ANK3: variants seen among roughly 807,000 people sequenced by gnomAD.
The protein encoded by ANK3 is ankyrin-3.
A neutral mutation model predicts 370.9 loss-of-function variants in ANK3; 57 were observed. The observed-to-expected ratio is 0.15, with a 90% CI of 0.12 to 0.19. ANK3 has a LOEUF of 0.19. Ranked by LOEUF, ANK3 falls within the 10% of genes least tolerant of loss-of-function variation. The pLI is 1.00. For synonymous variants in ANK3, 1,929 were observed against 1,946.3 expected (o/e 0.99, Z 0.23); for missense variants, 4,439 against 5,302.1 (o/e 0.84, Z 5.06).
chr10:60,582,319 A>G (rs374407287), intron 2 of ANK3, among the ~76,000 whole-genome samples: 1 of 152,144 alleles, frequency 6.6e-6, no homozygotes, highest in South Asian at 2.1e-4. Flanking sequence ...CCACAAAGTG[A>G]CCTTGAGGCA....
In ANK3 at chr10:60,557,441, A is replaced by G. The variant is rs1335535606; in HGVS notation, c.96+57745T>C. Among the ~76,000 whole-genome samples the G allele has an allele frequency of 2.0e-5, 3 of 152,168 alleles. No individual in the cohort carries two copies. In the East Asian group the frequency reaches 5.8e-4, roughly 29 times the overall value. ...GAACATCAAGAATGGGAAAATACAT[A>G]GAGAAAGAAAACAGATTAGTAGTTG... is the stretch of plus-strand genomic sequence containing the variant. On this transcript the variant is annotated intron_variant, in intron 2 of 43. Coordinates refer to the ANK3 transcript ENST00000373827.
rs533404665 is a variant in ANK3, at chr10:60,664,605, GCA to G, written c.58-49383_58-49382del. Among the ~76,000 whole-genome samples, 27 of 152,276 alleles carry G rather than the reference GCA, an allele frequency of 1.8e-4. No individual in the cohort carries two copies. The East Asian group carries it at 4.3e-3, about 24-fold the overall frequency. On this transcript the variant is annotated intron_variant, in intron 1 of 43. Transcript: ENST00000373827. ...AAACCAATGCAGGCCAAAATGGTTA[GCA>G]GAAGGCTCATGAGTTAAGACAGAAA...
At chr10:60,191,481 T>C (rs746763952) in intron 16 of ANK3, among the ~76,000 whole-genome samples, 9 of 152,054 alleles carry the variant, frequency 5.9e-5, no homozygotes, top group Non-Finnish European at 1.2e-4. Context: ...GAAAAAATGA[T>C]CGTCATCACT....
chr10:60,633,560 A>G (rs2078513019), intron 1 of ANK3, among the ~76,000 whole-genome samples: 1 of 152,184 alleles, frequency 6.6e-6, no homozygotes, highest in Non-Finnish European at 1.5e-5. Context: ...ATCTAAACAA[A>G]TGTATAGATT....
chr10:60,172,345 G>T lies in ANK3; in HGVS notation c.2441C>A (p.Thr814Asn). 1 of 1,613,960 alleles carries T rather than the reference G, an allele frequency of 6.2e-7. No homozygotes were observed. Among genetic ancestry groups the T allele is most frequent in the Non-Finnish European group, 8.5e-7 (1 of 1,179,870 alleles). Residue 814 changes from threonine (T) to asparagine (N), a missense_variant, in exon 21 of 44, where the codon ACC becomes AAC. Physicochemically the swap from Thr to Asn is moderately conservative, Grantham distance 65. Around this residue, in one of 13 missense-constraint regions of ANK3, gnomAD observed 702 missense variants for 941.5 expected, o/e 0.75. Coordinates refer to ENST00000280772, the MANE Select transcript of ANK3 (RefSeq NM_020987.5). ...GGTCTCTTCGGTCACTATCTTCAGGGTGTCCACTACTGAGATGTAGCCGAG... is the reference window on the plus strand; with the variant it reads ...GGTCTCTTCGGTCACTATCTTCAGGTTGTCCACTACTGAGATGTAGCCGAG... ...RRLGYISVVD[T>N]LKIVTEETMT...
At chr10:60,473,614 C>G (rs1291616681) in intron 2 of ANK3, among the ~76,000 whole-genome samples, 1 of 152,058 alleles carries the variant, frequency 6.6e-6, no homozygotes, top group Non-Finnish European at 1.5e-5. Context: ...CATTTAGGAG[C>G]ACTAGGTAAT....
At chr10:60,414,863 TAGAA>T (rs1484816493) in intron 2 of ANK3, among the ~76,000 whole-genome samples, 1 of 152,146 alleles carries the variant, frequency 6.6e-6, no homozygotes, top group Non-Finnish European at 1.5e-5. Context: ...CAGACTGTAT[TAGAA>T]AGGCTGAGAG....
intron 1 of ANK3, among the ~76,000 whole-genome samples, chr10:60,679,766 G>C (rs1175088371): frequency 6.6e-6 from 1 of 152,058 alleles, no homozygotes; most frequent in African/African-American, 2.4e-5. Context: ...CCATCCACTT[G>C]GCCCTCTTCC....
rs1183096521 is a variant in ANK3 at position 60,108,871 on chromosome 10, A to G, written c.3132T>C (p.Ser1044=). The change falls in exon 27 of 44, where the codon AGT becomes AGC. Residue 1044 remains serine (S), a synonymous_variant. Transcript: ENST00000280772. ...CTGCAGGACCCATTTCTACCAGCCTACTGGCTAATCCCTCTCCTTCCACCA... is the reference window on the plus strand; with the variant it reads ...CTGCAGGACCCATTTCTACCAGCCTGCTGGCTAATCCCTCTCCTTCCACCA... ...PPMVEGEGLA[S]RLVEMGPAGA... is the part of the protein sequence containing the mutation. 1.2e-6 allele frequency: 2 copies of G among 1,614,118 alleles called. No homozygotes were observed. The highest frequency in any genetic ancestry group is 1.7e-6 in the Non-Finnish European group (2 of 1,179,962).
chr10:60,067,876 T>G, intron 38 of ANK3, 59 bp downstream of exon 38: 1 of 1,395,588 alleles, frequency 7.2e-7, no homozygotes, highest in Non-Finnish European at 9.9e-7. Context: ...GAACTGCTTG[T>G]GAGTAAGACA....
rs921113546 is a variant in ANK3, at chr10:60,386,538, C to CTTTT, written c.114+2883_114+2886dup. 4.9e-5 allele frequency among the ~76,000 whole-genome samples: 7 copies of CTTTT among 141,430 alleles called. No individual in the cohort carries two copies. The East Asian group carries it at 1.4e-3, about 29-fold the overall frequency. The allele number at this position is 141,430 out of a possible 152,430, so 92.8% of individuals were successfully genotyped here. Reference sequence around the variant, plus strand: ...ATAAATTCCTAGAAGTTCTGTACTGCTTTTTTTTTTTTGGACTGGTAATCA... The same window carrying CTTTT: ...ATAAATTCCTAGAAGTTCTGTACTGCTTTTTTTTTTTTTTTTGGACTGGTAATCA... On this transcript the variant is annotated intron_variant, in intron 1 of 43. Coordinates refer to ENST00000280772, the MANE Select transcript of ANK3 (RefSeq NM_020987.5).
intron 29 of ANK3, among the ~76,000 whole-genome samples, chr10:60,087,837 G>T (rs1055902263): frequency 6.6e-6 from 1 of 152,212 alleles, no homozygotes; most frequent in Non-Finnish European, 1.5e-5. Flanking sequence ...TTATGATGTG[G>T]CATATCATAA....
chr10:60,556,803 G>T (rs2077216980), intron 2 of ANK3, among the ~76,000 whole-genome samples: 2 of 152,326 alleles, frequency 1.3e-5, no homozygotes, highest in Non-Finnish European at 2.9e-5. Context: ...GCCATGGACT[G>T]GCACTGGTCT....
chr10:60,687,756 A>G (rs1428617832), intron 1 of ANK3, among the ~76,000 whole-genome samples: 1 of 152,248 alleles, frequency 6.6e-6, no homozygotes, highest in Non-Finnish European at 1.5e-5. Context: ...AAGAGATATT[A>G]TCAGTTCTAT....
chr10:60,153,026 T>C (rs2095203927), intron 23 of ANK3, among the ~76,000 whole-genome samples: 1 of 152,184 alleles, frequency 6.6e-6, no homozygotes, highest in Non-Finnish European at 1.5e-5. Flanking sequence ...GAAACTTATA[T>C]AAGAAAGTTT....
chr10:60,171,724 C>T (rs2095799380), intron 21 of ANK3, among the ~76,000 whole-genome samples: 1 of 152,152 alleles, frequency 6.6e-6, no homozygotes, highest in South Asian at 2.1e-4. Flanking sequence ...GTAGTTGATG[C>T]AATAGGGCCT....
At chr10:60,157,334 G>GC (rs202181868) in intron 23 of ANK3, among the ~76,000 whole-genome samples, 34 of 131,522 alleles carry the variant, frequency 2.6e-4, no homozygotes, top group African/African-American at 1.0e-3. Flanking sequence ...ACTGTGCCCG[G>GC]CTTTTTTTTT....
At chr10:60,382,219 T>C (rs957207749) in intron 1 of ANK3, among the ~76,000 whole-genome samples, 18 of 152,156 alleles carry the variant, frequency 1.2e-4, no homozygotes, top group Admixed American at 6.6e-4. Flanking sequence ...GGCCTAGTTC[T>C]ATTTCCCCAT....
intron 28 of ANK3, among the ~76,000 whole-genome samples, chr10:60,105,185 G>A (rs574932480): frequency 2.0e-5 from 3 of 151,772 alleles, no homozygotes; most frequent in South Asian, 2.1e-4. Flanking sequence ...AGCATCAGAC[G>A]TTATGGTGAG....
Sources: allele counts gnomAD v4.1 joint callset (sites outside exome capture counted in the v4.1 genomes callset), GRCh38; gene constraint gnomAD v4.1.1; regional missense constraint gnomAD v4.1.1; transcripts MANE v1.5; gene names NCBI Gene and HGNC (gene_info 2026-07-23, HGNC 2026-07-21).